Variants in TENM4 observed in about 807,000 individuals in gnomAD.
TENM4 encodes teneurin transmembrane protein 4.
A neutral mutation model predicts 243.3 loss-of-function variants in TENM4; 82 were observed. The ratio of observed to expected loss-of-function variants is 0.34; its 90% CI spans 0.28 to 0.40. TENM4 has a LOEUF of 0.40. Ranked by LOEUF, TENM4 falls within the 10% of genes least tolerant of loss-of-function variation. The pLI is 1.00. For missense variants in TENM4, 3,138 were observed against 3,673.3 expected, an observed-to-expected ratio of 0.85 and a Z score of 3.77; for synonymous variants, 1,412 against 1,456.3, an observed-to-expected ratio of 0.97 and a Z score of 0.69.
chr11:79,005,993 C>G (rs971479429), intron 6 of TENM4, among the ~76,000 whole-genome samples: 3 of 152,210 alleles, frequency 2.0e-5, no homozygotes, highest in Admixed American at 1.3e-4. Context: ...TCTGAAATCA[C>G]ACAAAGTATT....
At chr11:79,082,481 C>T (rs915666239) in intron 4 of TENM4, among the ~76,000 whole-genome samples, 4 of 152,216 alleles carry the variant, frequency 2.6e-5, no homozygotes, top group African/African-American at 4.8e-5. Flanking sequence ...CTTCCTTCCA[C>T]GGCCTCAGTT....
chr11:78,820,337 T>A (rs1411717153), intron 12 of TENM4, among the ~76,000 whole-genome samples: 1 of 152,140 alleles, frequency 6.6e-6, no homozygotes, highest in Admixed American at 6.5e-5. Flanking sequence ...TAGGGGAAAA[T>A]CTGGTAGGTG....
At chr11:79,323,924 C>T (rs942048013) in intron 1 of TENM4, among the ~76,000 whole-genome samples, 2 of 151,992 alleles carry the variant, frequency 1.3e-5, no homozygotes, top group African/African-American at 2.4e-5. Flanking sequence ...GACATACATG[C>T]AGATACACAT....
chr11:78,893,780 T>C (rs7103840), intron 7 of TENM4, among the ~76,000 whole-genome samples: 94 of 142,746 alleles, frequency 6.6e-4, no homozygotes, highest in Admixed American at 1.2e-3. Flanking sequence ...GGACTTCACA[T>C]ACACACACAC....
intron 1 of TENM4, among the ~76,000 whole-genome samples, chr11:79,345,935 C>T (rs1857318347): frequency 6.6e-6 from 1 of 152,168 alleles, no homozygotes; most frequent in South Asian, 2.1e-4. Flanking sequence ...CCATCAGCAT[C>T]ATTATTTGGG....
chr11:79,322,139 C>T (rs1285006951), intron 1 of TENM4, among the ~76,000 whole-genome samples: 1 of 152,174 alleles, frequency 6.6e-6, no homozygotes, highest in South Asian at 2.1e-4. Context: ...TGTCTTAGTA[C>T]TAGCGGTTCC....
intron 6 of TENM4, among the ~76,000 whole-genome samples, chr11:78,910,688 AC>A (rs1481774790): frequency 6.6e-6 from 1 of 152,242 alleles, no homozygotes; most frequent in Non-Finnish European, 1.5e-5. Flanking sequence ...TGTTACCTGA[AC>A]CTAGAATGGA....
At chr11:78,826,459 T>C (rs1210954609) in intron 12 of TENM4, among the ~76,000 whole-genome samples, 2 of 152,132 alleles carry the variant, frequency 1.3e-5, no homozygotes, top group African/African-American at 4.8e-5. Flanking sequence ...ACCTAGAGAC[T>C]TACAGGTAAA....
intron 5 of TENM4, 90 bp downstream of exon 5, chr11:79,069,631 AC>A (rs1351649887): frequency 2.8e-6 from 4 of 1,444,088 alleles, no homozygotes; most frequent in Non-Finnish European, 3.7e-6. Context: ...CACCTGTGCC[AC>A]GCCCACCTGC....
intron 6 of TENM4, among the ~76,000 whole-genome samples, chr11:78,911,843 T>A (rs1413278748): frequency 1.3e-5 from 2 of 152,228 alleles, no homozygotes; most frequent in African/African-American, 4.8e-5. Context: ...AATTACCCAG[T>A]CTGCTAGAGC....
rs1444887165 is a variant in TENM4, at chr11:78,704,321, G to A, written c.4210-1918C>T. On this transcript the variant is annotated intron_variant, in intron 27 of 33. Coordinates refer to ENST00000278550, the MANE Select transcript of TENM4 (RefSeq NM_001098816.3). ...GTAAGCCACTGTGTTTGGCCTAAGT[G>A]TATGCTTTTAGATAAGAAGTTTTTC... is the stretch of plus-strand genomic sequence containing the variant. Among the ~76,000 whole-genome samples, 3 of 151,442 alleles carry A rather than the reference G, an allele frequency of 2.0e-5. No homozygotes were observed. The East Asian group carries it at 5.8e-4, about 29-fold the overall frequency.
At chr11:78,845,201 G>T (rs935933049) in intron 12 of TENM4, among the ~76,000 whole-genome samples, 3 of 152,194 alleles carry the variant, frequency 2.0e-5, no homozygotes, top group Non-Finnish European at 4.4e-5. Context: ...TGAGGGCAAA[G>T]CTTCTGTTTT....
At chr11:79,394,472 G>C (rs1858300524) in intron 1 of TENM4, among the ~76,000 whole-genome samples, 1 of 152,052 alleles carries the variant, frequency 6.6e-6, no homozygotes, top group Non-Finnish European at 1.5e-5. Context: ...TATATAATAG[G>C]GCTGATTATG....
intron 6 of TENM4, among the ~76,000 whole-genome samples, chr11:78,948,137 A>T (rs914117605): frequency 5.3e-5 from 8 of 152,022 alleles, no homozygotes; most frequent in African/African-American, 1.9e-4. Flanking sequence ...AAGCCCATAT[A>T]CTCTTCATCT....
At chr11:78,711,412 T>A (rs1859394000) in intron 26 of TENM4, among the ~76,000 whole-genome samples, 1 of 152,180 alleles carries the variant, frequency 6.6e-6, no homozygotes, top group Non-Finnish European at 1.5e-5. Context: ...CTCAGAGAAC[T>A]TCAATGATTT....
At chr11:79,020,199 G>C (rs1858891074) in intron 6 of TENM4, among the ~76,000 whole-genome samples, 2 of 152,172 alleles carry the variant, frequency 1.3e-5, no homozygotes, top group African/African-American at 4.8e-5. Flanking sequence ...GAAATCAAGA[G>C]AGCCCCCTTG....
Position 79,372,320 on chromosome 11 carries a change from T to A in TENM4, c.-321+68189A>T, listed in dbSNP as rs1857804123. 2.6e-5 allele frequency among the ~76,000 whole-genome samples: 4 copies of A among 152,124 alleles called. No individual in the cohort carries two copies. In the South Asian group the frequency reaches 8.3e-4, roughly 32 times the overall value. On this transcript the variant is annotated intron_variant, in intron 1 of 33. Transcript: ENST00000278550. ...AGAACCATTTTCTTTTGCAGTAAAA[T>A]GTAATAAGAGAATCTGCAAGAAAGG...
intron 6 of TENM4, among the ~76,000 whole-genome samples, chr11:78,933,629 T>C (rs957477459): frequency 1.3e-5 from 2 of 152,142 alleles, no homozygotes; most frequent in Non-Finnish European, 1.5e-5. Flanking sequence ...TGCTGCAGAT[T>C]TGCTAAGTTT....
rs183321079 is a variant in TENM4 at position 79,036,825 on chromosome 11, C to T, written c.493+27913G>A. On this transcript the variant is annotated intron_variant, in intron 6 of 33. Transcript: ENST00000278550. ...AGGAGATCAAGACCATCCTGGCTAA[C>T]GTGGTGAAACCCTGTCTCTACTAAA... Among the ~76,000 whole-genome samples the T allele has an allele frequency of 5.0e-3, 758 of 152,018 alleles. 2 individuals carry two copies. Among genetic ancestry groups the T allele is most frequent in the Middle Eastern group, 0.024 (7 of 294 alleles).
Sources: allele counts gnomAD v4.1 joint callset (sites outside exome capture counted in the v4.1 genomes callset), GRCh38; gene constraint gnomAD v4.1.1; transcripts MANE v1.5; gene names NCBI Gene and HGNC (gene_info 2026-07-23, HGNC 2026-07-21).